MYH14: variants seen among roughly 807,000 people sequenced by gnomAD.
MYH14 encodes the protein myosin heavy chain 14, also known as myosin-14.
A neutral mutation model predicts 255.5 loss-of-function variants in MYH14; 123 were observed. That is an observed-to-expected ratio of 0.48 (90% CI 0.42 to 0.56). The LOEUF is 0.56. Among genes scored for constraint, MYH14 ranks in the 20% least tolerant of loss-of-function variants. The pLI is 0.00. For missense variants in MYH14, 2,423 were observed against 2,802.3 expected (o/e 0.86, Z 3.06); for synonymous variants, 1,095 against 1,161.2 (o/e 0.94, Z 1.16).
At chr19:50,303,718 C>T (rs1057015093) in intron 40 of MYH14, among the ~76,000 whole-genome samples, 2 of 152,140 alleles carry the variant, frequency 1.3e-5, no homozygotes, top group African/African-American at 2.4e-5. Flanking sequence ...TCTGGATCAA[C>T]ATCTGTGTTG....
At position 50,266,064 on chromosome 19, in the gene MYH14, G is replaced by C. The variant is rs1214458805; in HGVS notation, c.2695-813G>C. On this transcript the variant is annotated intron_variant, in intron 22 of 42. Transcript: ENST00000642316. The surrounding 1 kb of genome is among the most constrained non-coding windows in gnomAD (Gnocchi z 4.1). ...TAGAAGGGATACAGAATTGGGTGGA[G>C]AGGAAAAGAATCAAGTAGACTTGTG... is the stretch of plus-strand genomic sequence containing the variant. Among the ~76,000 whole-genome samples, 1 of 152,174 alleles carries C rather than the reference G, an allele frequency of 6.6e-6. No individual in the cohort carries two copies. The highest frequency in any genetic ancestry group is 6.5e-5 in the Admixed American group (1 of 15,274).
At chr19:50,255,894 C>T (rs745952826) in intron 17 of MYH14, among the ~76,000 whole-genome samples, 2 of 150,308 alleles carry the variant, frequency 1.3e-5, no homozygotes, top group African/African-American at 4.9e-5. Flanking sequence ...ATCTAGTTGA[C>T]GGTTGATGGC....
At chr19:50,257,920 C>T (rs972340332) in intron 18 of MYH14, among the ~76,000 whole-genome samples, 5 of 152,090 alleles carry the variant, frequency 3.3e-5, no homozygotes, top group African/African-American at 9.7e-5. Context: ...ACGTGATATT[C>T]CAGGCAGAGA....
chr19:50,261,519 G>T lies in MYH14; in HGVS notation c.2469G>T (p.Gln823His). The change falls in exon 21 of 43, where the codon CAG becomes CAT. Residue 823 changes from glutamine (Q) to histidine (H), a missense_variant. Physicochemically the swap from Gln to His is conservative, Grantham distance 24. This residue lies in a region of MYH14 where 1,513 missense variants were observed against 1,674.8 expected (regional missense o/e 0.90). Coordinates refer to ENST00000642316, the MANE Select transcript of MYH14 (RefSeq NM_001145809.2). ...ELDPNLYRVG[Q>H]SKIFFRAGVL... ...ACCCCAACCTCTACCGCGTGGGACAGAGCAAGATCTTCTTCCGGGCTGGGG... is the reference window on the plus strand; with the variant it reads ...ACCCCAACCTCTACCGCGTGGGACATAGCAAGATCTTCTTCCGGGCTGGGG... 6.3e-7 allele frequency: 1 copy of T among 1,580,280 alleles called. No homozygotes were observed. The highest frequency in any genetic ancestry group is 1.1e-5 in the South Asian group (1 of 88,116).
At chr19:50,299,570 CAAA>C (rs4002409) in intron 39 of MYH14, among the ~76,000 whole-genome samples, 186 of 57,602 alleles carry the variant, frequency 3.2e-3, no homozygotes, top group Middle Eastern at 0.025. Flanking sequence ...GACTCCATCT[CAAA>C]AAAAAAAAAA....
At chr19:50,245,944 CTCCCTCCCTCCCTCCCTCCT>C (rs1219399534) in intron 11 of MYH14, among the ~76,000 whole-genome samples, 1 of 130,498 alleles carries the variant, frequency 7.7e-6, no homozygotes, top group African/African-American at 3.2e-5. Context: ...CCCTCCCTCC[CTCCCTCCCTCCCTCCCTCCT>C]TCCCTCCCTC....
Position 50,290,957 on chromosome 19 carries a change from A to G in MYH14, c.5036A>G (p.Lys1679Arg). The G allele has an allele frequency of 1.9e-6, 3 of 1,603,178 alleles. No individual in the cohort carries two copies. Among genetic ancestry groups the G allele is most frequent in the Non-Finnish European group, 2.6e-6 (3 of 1,175,538 alleles). The change falls in exon 36 of 43, where the codon AAG becomes AGG. Residue 1679 changes from lysine (K) to arginine (R), a missense_variant. Physicochemically the swap from Lys to Arg is conservative, Grantham distance 26. Coordinates refer to ENST00000642316, the MANE Select transcript of MYH14 (RefSeq NM_001145809.2). ...ACTCTGGCCGTGGCTGCCCGCAAGAAGCTGGAGGGAGAGCTGGAGGAGCTG... is the reference window on the plus strand; with the variant it reads ...ACTCTGGCCGTGGCTGCCCGCAAGAGGCTGGAGGGAGAGCTGGAGGAGCTG... The part of the protein sequence containing the change: ...QRTLAVAARK[K>R]LEGELEELKA...
chr19:50,308,322 A>C (rs2036723370), intron 41 of MYH14: 1 of 152,256 alleles, frequency 6.6e-6, no homozygotes, highest in Admixed American at 6.5e-5. Flanking sequence ...GGTAGAGTTT[A>C]ACTTCTTCCC....
At chr19:50,260,829 G>GTGTGCA in intron 20 of MYH14, 114 bp downstream of exon 20, 2 of 773,928 alleles carry the variant, frequency 2.6e-6, no homozygotes, top group Non-Finnish European at 4.4e-6. Context: ...GCAAGTGTGT[G>GTGTGCA]TGCATGCACG....
intron 1 of MYH14, among the ~76,000 whole-genome samples, chr19:50,207,423 C>T (rs991053463): frequency 2.0e-5 from 3 of 152,006 alleles, no homozygotes; most frequent in African/African-American, 4.8e-5. Flanking sequence ...GCCCATGGCC[C>T]GCTGGATGGT....
At chr19:50,225,873 C>T (rs1363553870) in intron 7 of MYH14, among the ~76,000 whole-genome samples, 196 bp downstream of exon 7, 1 of 84,206 alleles carries the variant, frequency 1.2e-5, no homozygotes, top group Admixed American at 1.3e-4. Context: ...GGGGCCTGGA[C>T]TCTTGAGTCT....
chr19:50,263,195 T>C (rs1600974513), intron 21 of MYH14, 117 bp from the exon 22 acceptor site: 2 of 727,538 alleles, frequency 2.7e-6, no homozygotes, highest in Non-Finnish European at 2.1e-6. Flanking sequence ...CAAGACTCTG[T>C]CTCAGAAAAA....
chr19:50,224,524 C>T (rs566355428), intron 6 of MYH14, among the ~76,000 whole-genome samples: 2 of 152,298 alleles, frequency 1.3e-5, no homozygotes, highest in East Asian at 3.9e-4. Flanking sequence ...AAGTCATGTG[C>T]CCTTCACTTT....
chr19:50,299,106 A>AAAAG (rs1014430515), intron 39 of MYH14, among the ~76,000 whole-genome samples: 123 of 152,230 alleles, frequency 8.1e-4, no homozygotes, highest in African/African-American at 1.7e-3. Context: ...CAAAAAACAA[A>AAAAG]AAAGAAAGAA....
chr19:50,280,004 T>C lies in MYH14; in HGVS notation c.4033-33T>C, dbSNP rs1395847213. ...TGGGGTCACTGGGTGGAAGCCACGA[T>C]TGGAGGGCTTCATTCCCGTCCCTTC... On this transcript the variant is annotated intron_variant, in intron 30 of 42. Coordinates refer to ENST00000642316, the MANE Select transcript of MYH14 (RefSeq NM_001145809.2). This position sits in a 1 kb window ranked among gnomAD's most constrained non-coding sequence, Gnocchi z 4.8. The C allele has an allele frequency of 3.3e-6, 5 of 1,515,958 alleles. No individual in the cohort carries two copies. The highest frequency in any genetic ancestry group is 1.8e-5 in the Admixed American group (1 of 54,202). 93.9% of individuals were successfully genotyped at this position (1,515,958 alleles called of 1,614,324 possible).
rs1005664528 is a variant in MYH14 at position 50,266,177 on chromosome 19, C to T, written c.2695-700C>T. On this transcript the variant is annotated intron_variant, in intron 22 of 42. Transcript: ENST00000642316. The surrounding 1 kb of genome is among the most constrained non-coding windows in gnomAD (Gnocchi z 4.1). ...ACGAGGTTTTGTGAAATTTTTGTTT[C>T]AGTTCTGTGTGTACCTCTGTCACTG... is the stretch of plus-strand genomic sequence containing the variant. 1.3e-5 allele frequency among the ~76,000 whole-genome samples: 2 copies of T among 152,206 alleles called. No homozygotes were observed. The highest frequency in any genetic ancestry group is 1.9e-4 in the East Asian group (1 of 5,198).
intron 10 of MYH14, among the ~76,000 whole-genome samples, chr19:50,239,563 T>TTTC (rs1443232910): frequency 6.6e-6 from 1 of 151,814 alleles, no homozygotes; most frequent in African/African-American, 2.4e-5. Flanking sequence ...TTTTCTTCTT[T>TTTC]TTTTGAGACA....
rs138119803 is a variant in MYH14, at chr19:50,255,871, C to T, written c.2044+553C>T. On this transcript the variant is annotated intron_variant, in intron 17 of 42. Coordinates refer to ENST00000642316, the MANE Select transcript of MYH14 (RefSeq NM_001145809.2). ...GCCCCTGCCATGACCTGGCCCTGCCCTAAGCACAGATTATCTAGTTGACGG... is the reference window on the plus strand; with the variant it reads ...GCCCCTGCCATGACCTGGCCCTGCCTTAAGCACAGATTATCTAGTTGACGG... 6.0e-5 allele frequency among the ~76,000 whole-genome samples: 9 copies of T among 150,710 alleles called. No individual in the cohort carries two copies. The East Asian group carries it at 1.7e-3, about 29-fold the overall frequency.
At chr19:50,297,868 C>T (rs748745405) in intron 39 of MYH14, among the ~76,000 whole-genome samples, 5 of 152,006 alleles carry the variant, frequency 3.3e-5, no homozygotes, top group African/African-American at 7.2e-5. Flanking sequence ...TGTGACCTCG[C>T]GTTAATCAAT....
Sources: allele counts gnomAD v4.1 joint callset (sites outside exome capture counted in the v4.1 genomes callset), GRCh38; gene constraint gnomAD v4.1.1; regional missense constraint gnomAD v4.1.1; non-coding constraint Gnocchi (gnomAD v3.1); transcripts MANE v1.5; gene names NCBI Gene and HGNC (gene_info 2026-07-23, HGNC 2026-07-21).